The following TGFBRAP1 variants were observed in gnomAD, a reference collection of about 807,000 sequenced individuals.
TGFBRAP1 encodes transforming growth factor-beta receptor-associated protein 1.
A neutral mutation model predicts 83.2 loss-of-function variants in TGFBRAP1; 20 were observed. The ratio of observed to expected loss-of-function variants is 0.24; its 90% CI spans 0.17 to 0.35. The LOEUF is 0.35. TGFBRAP1 is among the 10% of genes least tolerant of loss of function. The probability of loss-of-function intolerance (pLI) is 1.00; values close to 1 mark genes in which losing one functional copy is unlikely to be tolerated. For missense variants in TGFBRAP1, 950 were observed against 1,099.4 expected, an observed-to-expected ratio of 0.86 and a Z score of 1.92; for synonymous variants, 415 against 459.8, an observed-to-expected ratio of 0.90 and a Z score of 1.25.
At chr2:105,252,392 C>T in the TGFBRAP1 span, among the ~76,000 whole-genome samples, 5 of 152,328 alleles carry the variant, frequency 3.3e-5, no homozygotes, top group South Asian at 1.0e-3. Flanking sequence ...TCTCTGGAAT[C>T]TGAAGGGGCT....
At chr2:105,297,907 CTTTTCGGTCT>C (rs1023342684) in intron 3 of TGFBRAP1, among the ~76,000 whole-genome samples, 1 of 152,222 alleles carries the variant, frequency 6.6e-6, no homozygotes, top group African/African-American at 2.4e-5. Flanking sequence ...TCTCTTACCA[CTTTTCGGTCT>C]GCTTCAAAGT....
At chr2:105,296,798 G>A (rs1263202582) in intron 3 of TGFBRAP1, among the ~76,000 whole-genome samples, 1 of 121,894 alleles carries the variant, frequency 8.2e-6, no homozygotes, top group Non-Finnish European at 1.6e-5. Flanking sequence ...AGAAATGCTG[G>A]TAAATGTAAA....
At chr2:105,301,329 A>G (rs1356757153) in intron 2 of TGFBRAP1, among the ~76,000 whole-genome samples, 1 of 152,210 alleles carries the variant, frequency 6.6e-6, no homozygotes, top group Non-Finnish European at 1.5e-5. Flanking sequence ...TCAGGCCTGT[A>G]AGCCCAGCAC....
Position 105,328,242 on chromosome 2 carries a change from T to C in TGFBRAP1, c.-18+1383A>G, listed in dbSNP as rs183088836. On this transcript the variant is annotated intron_variant, in intron 1 of 11. Transcript: ENST00000393359. ...GATTTGAACCCACACTCCACATTCATTACCACCACAGAGCATCACTCCCAT... is the reference window on the plus strand; with the variant it reads ...GATTTGAACCCACACTCCACATTCACTACCACCACAGAGCATCACTCCCAT... Among the ~76,000 whole-genome samples, 134 of 152,244 alleles carry C rather than the reference T, an allele frequency of 8.8e-4. 1 individual carries two copies. Among genetic ancestry groups the C allele is most frequent in the Non-Finnish European group, 1.5e-3 (104 of 68,012 alleles).
At chr2:105,306,595 C>T (rs939960582) in intron 2 of TGFBRAP1, among the ~76,000 whole-genome samples, 1 of 151,786 alleles carries the variant, frequency 6.6e-6, no homozygotes, top group Non-Finnish European at 1.5e-5. Context: ...GTCAGGAGTT[C>T]AAGACCAACC....
intron 1 of TGFBRAP1, 39 bp from the exon 2 acceptor site, chr2:105,308,357 G>A (rs1678590796): frequency 6.6e-7 from 1 of 1,513,628 alleles, no homozygotes. Context: ...AGAGGAACAA[G>A]GAAGAAGCAG....
At chr2:105,298,326 T>C (rs924013176) in intron 3 of TGFBRAP1, among the ~76,000 whole-genome samples, 185 bp downstream of exon 3, 2 of 152,138 alleles carry the variant, frequency 1.3e-5, no homozygotes, top group Non-Finnish European at 2.9e-5. Flanking sequence ...TATACTGCCA[T>C]AGCTATTTGT....
chr2:105,274,691 T>A (rs1677278494), intron 8 of TGFBRAP1, among the ~76,000 whole-genome samples: 1 of 152,040 alleles, frequency 6.6e-6, no homozygotes, highest in Non-Finnish European at 1.5e-5. Context: ...AGAGGCAAAG[T>A]AAAGATGGAG....
In TGFBRAP1 at chr2:105,275,567, C is replaced by A; in HGVS notation, c.1658G>T (p.Ser553Ile). Reference sequence around the variant, plus strand: ...TTTTTACGAAGCACAAACCTCTTCACTTTTCTGCAGGACCCAATCAGCATA... The same window carrying A: ...TTTTTACGAAGCACAAACCTCTTCAATTTTCTGCAGGACCCAATCAGCATA... ...WAYADWVLQK[S>I]EEVGVQVFTK... is the part of the protein sequence containing the mutation. The change falls in exon 8 of 12, where the codon AGT becomes ATT. Residue 553 changes from serine to isoleucine, a missense_variant. By Grantham distance (142) the Ser-to-Ile change is moderately radical. Coordinates refer to ENST00000393359, the MANE Select transcript of TGFBRAP1 (RefSeq NM_004257.6). 6.2e-7 allele frequency: 1 copy of A among 1,613,834 alleles called. No homozygotes were observed.
chr2:105,277,714 C>T, intron 6 of TGFBRAP1, 43 bp from the exon 7 acceptor site: 1 of 1,591,334 alleles, frequency 6.3e-7, no homozygotes, highest in South Asian at 1.1e-5. Context: ...TCCCCATCAG[C>T]TCCTGGAGGC....
chr2:105,258,730 TACACACACACACACACACACACACAC>T, the TGFBRAP1 span, among the ~76,000 whole-genome samples: 4 of 140,516 alleles, frequency 2.8e-5, no homozygotes, highest in South Asian at 2.3e-4. Flanking sequence ...TCCCCACCCC[TACACACACACACACACACACACACAC>T]ACACACACAC....
At chr2:105,252,229 C>T in the TGFBRAP1 span, among the ~76,000 whole-genome samples, 1 of 152,218 alleles carries the variant, frequency 6.6e-6, no homozygotes, top group South Asian at 2.1e-4. Context: ...ACTTTAGATG[C>T]TTTATTACAC....
downstream of TGFBRAP1, among the ~76,000 whole-genome samples, chr2:105,261,423 A>C (rs1676783732): frequency 6.6e-6 from 1 of 152,180 alleles, no homozygotes; most frequent in Non-Finnish European, 1.5e-5. Context: ...CTCTAGAGAA[A>C]GAGGAAGGAC....
Position 105,264,414 on chromosome 2 carries a change from T to C in TGFBRAP1, c.*2969A>G, listed in dbSNP as rs1276915338. ...GTATGGTGCGAGTGAAAACCATCACTCCATCAAGGCAATTTTTATTTTAAA... is the reference window on the plus strand; with the variant it reads ...GTATGGTGCGAGTGAAAACCATCACCCCATCAAGGCAATTTTTATTTTAAA... On this transcript the variant is annotated 3_prime_UTR_variant, in exon 12 of 12. Transcript: ENST00000393359. The C allele has an allele frequency of 6.6e-6, 1 of 152,206 alleles. No individual in the cohort carries two copies. Among genetic ancestry groups the C allele is most frequent in the Admixed American group, 6.5e-5 (1 of 15,284 alleles). 9.4% of individuals were successfully genotyped at this position (152,206 alleles called of 1,614,324 possible).
intron 4 of TGFBRAP1, among the ~76,000 whole-genome samples, chr2:105,295,701 C>T (rs1334452428): frequency 4.6e-5 from 7 of 150,828 alleles, no homozygotes; most frequent in African/African-American, 1.7e-4. Context: ...TTCCCAGCTA[C>T]TCGGGAGGCT....
At chr2:105,286,836 A>C (rs948573264) in intron 4 of TGFBRAP1, among the ~76,000 whole-genome samples, 4 of 152,248 alleles carry the variant, frequency 2.6e-5, no homozygotes, top group African/African-American at 9.6e-5. Flanking sequence ...AGAAGATTCT[A>C]ATCTAAAGAC....
At chr2:105,251,271 G>C in the TGFBRAP1 span, among the ~76,000 whole-genome samples, 1,271 of 138,848 alleles carry the variant, frequency 9.2e-3, 12 homozygotes, top group African/African-American at 0.034. Context: ...GCTGCCCATC[G>C]TCTGGGATGT....
In TGFBRAP1 at chr2:105,280,379, C is replaced by G. The variant is rs1677493257; in HGVS notation, c.1463+3G>C. The G allele has an allele frequency of 6.2e-7, 1 of 1,611,558 alleles. No individual in the cohort carries two copies. The highest frequency in any genetic ancestry group is 1.7e-5 in the Admixed American group (1 of 59,956). On this transcript the variant is annotated splice_donor_region_variant and intron_variant, in intron 6 of 11. Transcript: ENST00000393359. ...CTGATCATATCAGGAAGGGAACACTCACTTTTTGTGCTTCTCTAGCCAGGC... is the reference window on the plus strand; with the variant it reads ...CTGATCATATCAGGAAGGGAACACTGACTTTTTGTGCTTCTCTAGCCAGGC...
rs369380089 is a variant in TGFBRAP1, at chr2:105,320,986, G to A, written c.-18+8639C>T. The stretch of plus-strand genomic sequence containing the variant: ...GCTAGTCCATATGAAAAGTAGCAAC[G>A]TCTGGTGGACAAGGGCAGCCTCAGA... On this transcript the variant is annotated intron_variant, in intron 1 of 11. Transcript: ENST00000393359. Among the ~76,000 whole-genome samples the A allele has an allele frequency of 2.3e-3, 355 of 152,282 alleles. 3 individuals carry two copies. Among genetic ancestry groups the A allele is most frequent in the African/African-American group, 7.8e-3 (326 of 41,558 alleles).
Sources: allele counts gnomAD v4.1 joint callset (sites outside exome capture counted in the v4.1 genomes callset), GRCh38; gene constraint gnomAD v4.1.1; transcripts MANE v1.5; gene names NCBI Gene and HGNC (gene_info 2026-07-23, HGNC 2026-07-21).